Variants in BMPR1B observed in about 807,000 individuals in gnomAD.
BMPR1B encodes bone morphogenetic protein receptor type-1B.
BMPR1B carries 12 observed loss-of-function variants against 59.1 expected under a neutral mutation model. The observed-to-expected ratio is 0.20, with a 90% CI of 0.13 to 0.33. The LOEUF (loss-of-function observed/expected upper bound fraction) is 0.33, where lower values mean the gene tolerates loss of function less well. Ranked by LOEUF, BMPR1B falls within the 10% of genes least tolerant of loss-of-function variation. The pLI, the probability that BMPR1B is intolerant of heterozygous loss-of-function variation, is 1.00. For synonymous variants in BMPR1B, 237 were observed against 207.3 expected, an observed-to-expected ratio of 1.14 and a Z score of -1.23; for missense variants, 550 against 610.9, an observed-to-expected ratio of 0.90 and a Z score of 1.05.
intron 1 of BMPR1B, among the ~76,000 whole-genome samples, chr4:94,865,787 G>C (rs1292353129): frequency 1.3e-5 from 2 of 152,050 alleles, no homozygotes; most frequent in Admixed American, 1.3e-4. Context: ...GTTTTTATTT[G>C]CTAAGAGGAA....
Position 94,861,809 on chromosome 4 carries a change from T to C in BMPR1B, c.-182-14022T>C, listed in dbSNP as rs551977036. ...AAATGATGATATAGGTCAGAGTAGA[T>C]TGATGGTATTTTCAGTTTCAGTTGT... On this transcript the variant is annotated intron_variant, in intron 1 of 12. Coordinates refer to ENST00000515059, the MANE Select transcript of BMPR1B (RefSeq NM_001203.3). 3.1e-3 allele frequency among the ~76,000 whole-genome samples: 465 copies of C among 152,344 alleles called. 3 individuals are homozygous for C. Among genetic ancestry groups the C allele is most frequent in the Middle Eastern group, 6.8e-3 (2 of 294 alleles).
At chr4:94,944,318 T>C (rs1381260211) in intron 2 of BMPR1B, among the ~76,000 whole-genome samples, 4 of 152,206 alleles carry the variant, frequency 2.6e-5, no homozygotes, top group Non-Finnish European at 4.4e-5. Context: ...ATTGTTTATA[T>C]GTTTTATTAT....
At chr4:95,061,160 A>AACACACACACACACAC (rs58119571) in intron 3 of BMPR1B, among the ~76,000 whole-genome samples, 58 of 142,666 alleles carry the variant, frequency 4.1e-4, no homozygotes, top group East Asian at 2.1e-3. Flanking sequence ...ATTTAGAATA[A>AACACACACACACACAC]ACACACACAC....
rs113709813 is a variant in BMPR1B, at chr4:95,135,371, T to G, written c.1076+3859T>G. Among the ~76,000 whole-genome samples the G allele has an allele frequency of 1.1e-4, 16 of 152,286 alleles. 1 individual carries two copies. The highest frequency in any genetic ancestry group is 1.0e-3 in the South Asian group (5 of 4,832). ...CTCTTTTTTGGTTCCATATAAACTT[T>G]AAAGTAGTTTTTTCCAATTCTGTGA... is the stretch of plus-strand genomic sequence containing the variant. On this transcript the variant is annotated intron_variant, in intron 10 of 12. Transcript: ENST00000515059.
intron 3 of BMPR1B, among the ~76,000 whole-genome samples, chr4:95,100,044 C>T (rs1560652762): frequency 6.6e-6 from 1 of 152,166 alleles, no homozygotes; most frequent in African/African-American, 2.4e-5. Context: ...CTTCCAACAT[C>T]TTTTGACCTG....
intron 3 of BMPR1B, among the ~76,000 whole-genome samples, chr4:95,010,905 T>A (rs1723175490): frequency 6.6e-6 from 1 of 152,204 alleles, no homozygotes; most frequent in South Asian, 2.1e-4. Flanking sequence ...ATTTTTCATA[T>A]GCTGGATATG....
At chr4:95,115,843 C>A in intron 6 of BMPR1B, 56 bp downstream of exon 6, 1 of 1,476,798 alleles carries the variant, frequency 6.8e-7, no homozygotes. Context: ...AAAATAAAAA[C>A]TAAAAACTAG....
chr4:95,003,801 CTTTTTTTTTTTTT>C (rs5860385), intron 3 of BMPR1B, among the ~76,000 whole-genome samples: 2 of 84,560 alleles, frequency 2.4e-5, no homozygotes, highest in African/African-American at 9.6e-5. Flanking sequence ...CAAAGTCCAT[CTTTTTTTTTTTTT>C]TTTTTTTTTT....
chr4:95,120,198 T>C (rs570830130), intron 6 of BMPR1B, among the ~76,000 whole-genome samples: 1 of 152,336 alleles, frequency 6.6e-6, no homozygotes, highest in African/African-American at 2.4e-5. Flanking sequence ...AGGATGTTAT[T>C]TTATTGTCTT....
chr4:94,992,256 C>T (rs1020478415), intron 2 of BMPR1B, among the ~76,000 whole-genome samples: 4 of 152,150 alleles, frequency 2.6e-5, no homozygotes, highest in Non-Finnish European at 5.9e-5. Context: ...TTCTGCTACC[C>T]CTCAATACTC....
In BMPR1B at chr4:94,924,727, A is replaced by G. The variant is rs1444931; in HGVS notation, c.-113+48827A>G. On this transcript the variant is annotated intron_variant, in intron 2 of 12. Transcript: ENST00000515059. Reference sequence around the variant, plus strand: ...ATCAGTGTATTTAACGTTTCTTGCTATAGTGATGTGTGTCATACAGTGACA... The same window carrying G: ...ATCAGTGTATTTAACGTTTCTTGCTGTAGTGATGTGTGTCATACAGTGACA... Among the ~76,000 whole-genome samples the G allele has an allele frequency of 7.7e-3, 1,177 of 152,220 alleles. 14 individuals carry two copies. The highest frequency in any genetic ancestry group is 0.027 in the African/African-American group (1,108 of 41,552).
intron 1 of BMPR1B, among the ~76,000 whole-genome samples, chr4:94,774,444 GAGAA>G (rs1722295546): frequency 6.6e-6 from 1 of 152,020 alleles, no homozygotes; most frequent in African/African-American, 2.4e-5. Context: ...AATCAGAAAT[GAGAA>G]AGAATGTGAA....
At chr4:95,133,717 A>G (rs1733550008) in intron 10 of BMPR1B, among the ~76,000 whole-genome samples, 1 of 151,412 alleles carries the variant, frequency 6.6e-6, no homozygotes, top group African/African-American at 2.4e-5. Context: ...AACTTCAGGC[A>G]TGTGCCACCA....
chr4:94,875,774 T>G (rs996064921), intron 1 of BMPR1B, 57 bp from the exon 2 acceptor site: 1 of 152,648 alleles, frequency 6.6e-6, no homozygotes, highest in African/African-American at 2.4e-5. Context: ...TGGTAAATAA[T>G]AATAAACCTT....
intron 1 of BMPR1B, among the ~76,000 whole-genome samples, chr4:94,792,846 T>G (rs1417439659): frequency 1.3e-5 from 2 of 152,124 alleles, no homozygotes. Flanking sequence ...CACCCTTAGA[T>G]ATACAAAAGT....
chr4:94,907,863 A>G lies in BMPR1B; in HGVS notation c.-113+31963A>G, dbSNP rs375841613. Among the ~76,000 whole-genome samples, 5 of 151,452 alleles carry G rather than the reference A, an allele frequency of 3.3e-5. No individual in the cohort carries two copies. The South Asian group carries it at 1.0e-3, about 32-fold the overall frequency. On this transcript the variant is annotated intron_variant, in intron 2 of 12. Coordinates refer to ENST00000515059, the MANE Select transcript of BMPR1B (RefSeq NM_001203.3). Reference sequence around the variant, plus strand: ...AGTAGTAAAATGAATATGAATGTACATGTCTGAGGTCTCTATAAATTAAAA... The same window carrying G: ...AGTAGTAAAATGAATATGAATGTACGTGTCTGAGGTCTCTATAAATTAAAA...
intron 2 of BMPR1B, among the ~76,000 whole-genome samples, chr4:94,916,467 A>G (rs867117280): frequency 6.6e-6 from 1 of 152,204 alleles, no homozygotes; most frequent in African/African-American, 2.4e-5. Flanking sequence ...ACTTGGCTGC[A>G]TTCTATTCAT....
chr4:95,084,979 C>G (rs1729462165), intron 3 of BMPR1B, among the ~76,000 whole-genome samples: 1 of 152,006 alleles, frequency 6.6e-6, no homozygotes, highest in Non-Finnish European at 1.5e-5. Context: ...GTGACTTGGC[C>G]TATTGAAAGA....
At chr4:94,977,170 G>C (rs1156415306) in intron 2 of BMPR1B, among the ~76,000 whole-genome samples, 1 of 152,202 alleles carries the variant, frequency 6.6e-6, no homozygotes, top group Non-Finnish European at 1.5e-5. Flanking sequence ...GAGATTCCCT[G>C]TGAGGCTGTG....
Sources: allele counts gnomAD v4.1 joint callset (sites outside exome capture counted in the v4.1 genomes callset), GRCh38; gene constraint gnomAD v4.1.1; transcripts MANE v1.5; gene names NCBI Gene and HGNC (gene_info 2026-07-23, HGNC 2026-07-21).